The following SPIRE1 variants were observed in gnomAD, a reference collection of about 807,000 sequenced individuals.
SPIRE1 encodes the protein protein spire homolog 1.
A neutral mutation model predicts 94.1 loss-of-function variants in SPIRE1; 40 were observed. The ratio of observed to expected loss-of-function variants is 0.43; its 90% CI spans 0.33 to 0.55. SPIRE1 has a LOEUF of 0.55. Ranked by LOEUF, SPIRE1 falls within the 20% of genes least tolerant of loss-of-function variation. SPIRE1 has a pLI of 0.06. For missense variants in SPIRE1, 838 were observed against 975.2 expected, an observed-to-expected ratio of 0.86 and a Z score of 1.87; for synonymous variants, 376 against 371.7, an observed-to-expected ratio of 1.01 and a Z score of -0.13.
chr18:12,647,856 G>T (rs2038264966), intron 1 of SPIRE1, among the ~76,000 whole-genome samples: 2 of 152,166 alleles, frequency 1.3e-5, no homozygotes, highest in African/African-American at 4.8e-5. Context: ...GAGCTCCCTG[G>T]AAATATGGGT....
intron 10 of SPIRE1, among the ~76,000 whole-genome samples, chr18:12,478,150 T>C (rs1465279653): frequency 6.6e-6 from 1 of 151,964 alleles, no homozygotes; most frequent in Non-Finnish European, 1.5e-5. Context: ...TGGAGACCGA[T>C]GAGAGGAGAA....
At chr18:12,618,890 T>C (rs994725955) in intron 2 of SPIRE1, among the ~76,000 whole-genome samples, 7 of 126,000 alleles carry the variant, frequency 5.6e-5, no homozygotes, top group Admixed American at 4.5e-4. Context: ...AAAAACAATT[T>C]TTTTCCCCCC....
chr18:12,536,097 T>G (rs571034366), intron 3 of SPIRE1, among the ~76,000 whole-genome samples: 1 of 152,130 alleles, frequency 6.6e-6, no homozygotes, highest in Non-Finnish European at 1.5e-5. Flanking sequence ...GGAAAAGTGG[T>G]CCACTAACTA....
intron 10 of SPIRE1, among the ~76,000 whole-genome samples, chr18:12,478,500 G>T (rs1243241511): frequency 6.7e-6 from 1 of 149,504 alleles, no homozygotes; most frequent in Non-Finnish European, 1.5e-5. Context: ...AGGTGTGTAT[G>T]AAGCTAGAGT....
chr18:12,547,186 T>C (rs969638785), intron 2 of SPIRE1, among the ~76,000 whole-genome samples: 11 of 152,224 alleles, frequency 7.2e-5, no homozygotes, highest in African/African-American at 2.7e-4. Context: ...CTTATGCCAA[T>C]GTTTATCTAA....
intron 1 of SPIRE1, among the ~76,000 whole-genome samples, chr18:12,641,284 GA>G (rs377600381): frequency 2.7e-5 from 4 of 150,556 alleles, no homozygotes; most frequent in South Asian, 2.1e-4. Context: ...TTATTACTAG[GA>G]AAAAAAACCC....
intron 2 of SPIRE1, among the ~76,000 whole-genome samples, chr18:12,564,974 GAAGA>G (rs1015365968): frequency 2.6e-5 from 4 of 151,904 alleles, no homozygotes; most frequent in Non-Finnish European, 2.9e-5. Context: ...AATAACAAAA[GAAGA>G]AAGAAAGAAA....
intron 2 of SPIRE1, among the ~76,000 whole-genome samples, chr18:12,595,180 C>A (rs576511743): frequency 2.4e-4 from 36 of 152,134 alleles, no homozygotes; most frequent in African/African-American, 8.4e-4. Context: ...GTGGCTCATG[C>A]CTATAATCCC....
At chr18:12,659,943 T>G (rs2038661718), upstream of SPIRE1, among the ~76,000 whole-genome samples, 1 of 152,180 alleles carries the variant, frequency 6.6e-6, no homozygotes, top group African/African-American at 2.4e-5. Flanking sequence ...TTTCAAAAGT[T>G]TATCCTGTGT....
At chr18:12,553,991 C>CTT (rs1567929479) in intron 2 of SPIRE1, among the ~76,000 whole-genome samples, 2 of 151,944 alleles carry the variant, frequency 1.3e-5, no homozygotes. Context: ...AAATCAAAGA[C>CTT]GTAAAAGGAG....
intron 10 of SPIRE1, among the ~76,000 whole-genome samples, chr18:12,470,055 T>A (rs2032290091): frequency 6.6e-6 from 1 of 151,782 alleles, no homozygotes; most frequent in Non-Finnish European, 1.5e-5. Context: ...GATCTTCCCA[T>A]CTCAACCTTC....
intron 13 of SPIRE1, 40 bp downstream of exon 13, chr18:12,454,306 C>T: frequency 6.2e-7 from 1 of 1,610,912 alleles, no homozygotes; most frequent in South Asian, 1.1e-5. Flanking sequence ...GACTGGCCAT[C>T]CTTCTACTCT....
At position 12,546,718 on chromosome 18, in the gene SPIRE1, T is replaced by G; in HGVS notation, c.559A>C (p.Lys187Gln). Reference sequence around the variant, plus strand: ...GACCGAATAGCTGAGATTTTTCTCTTTTCATCTTCATCTCCCAGGCCTTCT... The same window carrying G: ...GACCGAATAGCTGAGATTTTTCTCTGTTCATCTTCATCTCCCAGGCCTTCT... ...AEEGLGDEDE[K>Q]RKISAIRSYR... The change falls in exon 3 of 17, where the codon AAG becomes CAG. Residue 187 changes from lysine to glutamine, a missense_variant. This residue lies in a region of SPIRE1 where 645 missense variants were observed against 804.7 expected (regional missense o/e 0.80). Transcript: ENST00000409402. The G allele has an allele frequency of 1.2e-6, 2 of 1,614,172 alleles. No individual in the cohort carries two copies. The highest frequency in any genetic ancestry group is 1.7e-6 in the Non-Finnish European group (2 of 1,180,024).
intron 10 of SPIRE1, among the ~76,000 whole-genome samples, chr18:12,470,127 T>G (rs1019649039): frequency 6.6e-6 from 1 of 151,534 alleles, no homozygotes; most frequent in Admixed American, 6.6e-5. Flanking sequence ...AAACATTTGT[T>G]GTAGAGACGG....
intron 2 of SPIRE1, among the ~76,000 whole-genome samples, chr18:12,590,775 G>C (rs1401455719): frequency 6.6e-6 from 1 of 152,156 alleles, no homozygotes; most frequent in Non-Finnish European, 1.5e-5. Flanking sequence ...TGGGCAAGAA[G>C]GTTGGCAGGA....
intron 2 of SPIRE1, among the ~76,000 whole-genome samples, chr18:12,620,338 C>T (rs761917421): frequency 2.3e-4 from 35 of 152,158 alleles, no homozygotes; most frequent in Non-Finnish European, 4.3e-4. Context: ...TTCTAAAATT[C>T]GTATGACAAT....
intron 2 of SPIRE1, among the ~76,000 whole-genome samples, chr18:12,612,537 T>C (rs573328134): frequency 6.6e-6 from 1 of 152,360 alleles, no homozygotes; most frequent in South Asian, 2.1e-4. Flanking sequence ...AATCAAACTG[T>C]GGTCCCAGGA....
chr18:12,477,822 C>T (rs371531916), intron 10 of SPIRE1, among the ~76,000 whole-genome samples: 83 of 152,216 alleles, frequency 5.5e-4, no homozygotes, highest in African/African-American at 1.9e-3. Context: ...GAAGAGTGAA[C>T]GGCTGTGCGT....
At chr18:12,450,306 C>T in intron 16 of SPIRE1, 1 of 290,696 alleles carries the variant, frequency 3.4e-6, no homozygotes, top group Non-Finnish European at 6.3e-6. Context: ...TTGCAGTGAG[C>T]TGAGATGGCA....
Sources: allele counts gnomAD v4.1 joint callset (sites outside exome capture counted in the v4.1 genomes callset), GRCh38; gene constraint gnomAD v4.1.1; regional missense constraint gnomAD v4.1.1; transcripts MANE v1.5; gene names NCBI Gene and HGNC (gene_info 2026-07-23, HGNC 2026-07-21).